CLEC16A: variants seen among roughly 807,000 people sequenced by gnomAD.
CLEC16A encodes the protein protein CLEC16A.
CLEC16A carries 51 observed loss-of-function variants against 109.5 expected under a neutral mutation model. That is an observed-to-expected ratio of 0.47 (90% confidence interval 0.37 to 0.59). The LOEUF is 0.59. Among genes scored for constraint, CLEC16A ranks in the 20% least tolerant of loss-of-function variants. The probability of loss-of-function intolerance (pLI) is 0.00; values close to 1 mark genes in which losing one functional copy is unlikely to be tolerated. For missense variants in CLEC16A, 1,339 were observed against 1,394.0 expected, an observed-to-expected ratio of 0.96 and a Z score of 0.63; for synonymous variants, 673 against 564.2, an observed-to-expected ratio of 1.19 and a Z score of -2.73.
intron 19 of CLEC16A, among the ~76,000 whole-genome samples, chr16:11,087,342 A>G (rs2050067858): frequency 6.6e-6 from 1 of 152,146 alleles, no homozygotes; most frequent in African/African-American, 2.4e-5. Context: ...TCTCACGTCC[A>G]GGAGGAAGCC....
chr16:11,166,969 C>T (rs1479083584), intron 23 of CLEC16A, among the ~76,000 whole-genome samples: 1 of 152,108 alleles, frequency 6.6e-6, no homozygotes, highest in Non-Finnish European at 1.5e-5. Context: ...CAGTTTTGTC[C>T]TTAAATGTGG....
chr16:11,123,006 C>T (rs922638008), intron 20 of CLEC16A, among the ~76,000 whole-genome samples: 4 of 144,748 alleles, frequency 2.8e-5, no homozygotes, highest in African/African-American at 7.8e-5. Flanking sequence ...CGGGTTCAAG[C>T]GATTCTCCTG....
Position 11,085,177 on chromosome 16 carries a change from G to A in CLEC16A, c.2116+24155G>A, listed in dbSNP as rs536424181. Among the ~76,000 whole-genome samples the A allele has an allele frequency of 1.4e-3, 219 of 152,352 alleles. 1 individual carries two copies. Among genetic ancestry groups the A allele is most frequent in the African/African-American group, 4.9e-3 (205 of 41,582 alleles). Reference sequence around the variant, plus strand: ...CCAAGCACTGGACTCATTTACAGACGAGGCCATGAAGCCCCCACCCTGGGT... The same window carrying A: ...CCAAGCACTGGACTCATTTACAGACAAGGCCATGAAGCCCCCACCCTGGGT... On this transcript the variant is annotated intron_variant, in intron 19 of 23. Coordinates refer to ENST00000409790, the MANE Select transcript of CLEC16A (RefSeq NM_015226.3).
At chr16:11,150,756 G>A (rs1372473918) in intron 22 of CLEC16A, among the ~76,000 whole-genome samples, 1 of 152,208 alleles carries the variant, frequency 6.6e-6, no homozygotes, top group African/African-American at 2.4e-5. Flanking sequence ...CAGGTCTGGA[G>A]GGTAGAAGTG....
chr16:10,979,308 T>C (rs1471411580), intron 8 of CLEC16A, 21 bp from the exon 9 acceptor site: 3 of 1,608,256 alleles, frequency 1.9e-6, no homozygotes, highest in African/African-American at 1.3e-5. Context: ...TCTCTCTCTC[T>C]CTCCTGCCAC....
intron 10 of CLEC16A, among the ~76,000 whole-genome samples, chr16:10,994,306 G>T (rs923062855): frequency 5.9e-5 from 9 of 152,156 alleles, no homozygotes; most frequent in African/African-American, 1.9e-4. Flanking sequence ...TGCATGTTGG[G>T]CTTTGGTTCC....
chr16:10,977,967 C>G (rs1390878645), intron 8 of CLEC16A, among the ~76,000 whole-genome samples: 1 of 152,194 alleles, frequency 6.6e-6, no homozygotes, highest in Non-Finnish European at 1.5e-5. Context: ...GAAACATCTA[C>G]AAATGTAGGG....
At chr16:11,098,062 A>G (rs2050706663) in intron 19 of CLEC16A, among the ~76,000 whole-genome samples, 1 of 152,194 alleles carries the variant, frequency 6.6e-6, no homozygotes, top group African/African-American at 2.4e-5. Flanking sequence ...CCCCACACCA[A>G]TTAAATCAGA....
intron 19 of CLEC16A, among the ~76,000 whole-genome samples, chr16:11,083,754 C>T (rs2049861525): frequency 6.6e-6 from 1 of 152,366 alleles, no homozygotes; most frequent in Non-Finnish European, 1.5e-5. Flanking sequence ...CTGGGGCAAG[C>T]CCTCCACTTC....
chr16:11,062,011 C>T (rs765961134), intron 19 of CLEC16A, among the ~76,000 whole-genome samples: 2 of 152,190 alleles, frequency 1.3e-5, no homozygotes, highest in Non-Finnish European at 2.9e-5. Context: ...CCCTTTAATT[C>T]TCTAAAGTCT....
At chr16:11,164,041 G>T (rs1315645864) in intron 22 of CLEC16A, among the ~76,000 whole-genome samples, 1 of 152,156 alleles carries the variant, frequency 6.6e-6, no homozygotes, top group Non-Finnish European at 1.5e-5. Context: ...CCAGTGTTTG[G>T]ATTTGCCGGA....
At chr16:11,168,603 T>C (rs1366474408) in intron 23 of CLEC16A, among the ~76,000 whole-genome samples, 1 of 152,230 alleles carries the variant, frequency 6.6e-6, no homozygotes, top group Non-Finnish European at 1.5e-5. Context: ...GATGCAGCTA[T>C]TGATCCCTGG....
In CLEC16A at chr16:11,003,204, A is replaced by G; in HGVS notation, c.1202A>G (p.Asp401Gly). 6.2e-7 allele frequency: 1 copy of G among 1,613,512 alleles called. No individual in the cohort carries two copies. The highest frequency in any genetic ancestry group is 8.5e-7 in the Non-Finnish European group (1 of 1,179,832). ...TACAAAAACGTTGGGGAAGAAGAAG[A>G]TGAGGAGAAAGGGCCCACCGAGGAT... ...PNYKNVGEEE[D>G]EEKGPTEDAQ... is the part of the protein sequence containing the mutation. Residue 401 changes from aspartate (D) to glycine (G), a missense_variant, in exon 11 of 24, where the codon GAT becomes GGT. By Grantham distance (94) the Asp-to-Gly change is moderately conservative (BLOSUM62 -1). Around this residue, in one of 3 missense-constraint regions of CLEC16A, gnomAD observed 1,061 missense variants for 1,006.8 expected, o/e 1.05. Coordinates refer to ENST00000409790, the MANE Select transcript of CLEC16A (RefSeq NM_015226.3).
intron 13 of CLEC16A, among the ~76,000 whole-genome samples, chr16:11,033,473 G>T (rs538926753): frequency 3.9e-5 from 6 of 152,266 alleles, no homozygotes; most frequent in Admixed American, 2.6e-4. Context: ...GCTGCCTCGT[G>T]GGGGAGCTGC....
intron 19 of CLEC16A, among the ~76,000 whole-genome samples, chr16:11,084,388 A>G (rs9929994): frequency 0.42 from 64,088 of 151,952 alleles, 14,504 homozygotes; most frequent in African/African-American, 0.6. Context: ...CCCAATTCTT[A>G]TTCAAAGTTG....
intron 11 of CLEC16A, among the ~76,000 whole-genome samples, chr16:11,006,671 A>G (rs191584903): frequency 6.6e-6 from 1 of 152,338 alleles, no homozygotes; most frequent in African/African-American, 2.4e-5. Flanking sequence ...CAGTTTTGCC[A>G]TGACCCAATT....
chr16:11,081,790 G>A (rs575133122), intron 19 of CLEC16A, among the ~76,000 whole-genome samples: 12 of 152,300 alleles, frequency 7.9e-5, no homozygotes, highest in East Asian at 1.9e-4. Context: ...TAAATGGTCC[G>A]CTGCAGAACG....
intron 14 of CLEC16A, chr16:11,041,245 A>T (rs2047318733): frequency 6.6e-6 from 1 of 152,224 alleles, no homozygotes; most frequent in Non-Finnish European, 1.5e-5. Context: ...AGATTCCTTC[A>T]GGACCTATAT....
intron 10 of CLEC16A, among the ~76,000 whole-genome samples, chr16:10,984,676 CA>C (rs1261178579): frequency 6.6e-6 from 1 of 152,226 alleles, no homozygotes; most frequent in Non-Finnish European, 1.5e-5. Flanking sequence ...GGCAAATGTA[CA>C]GCTGACTCAG....
Sources: allele counts gnomAD v4.1 joint callset (sites outside exome capture counted in the v4.1 genomes callset), GRCh38; gene constraint gnomAD v4.1.1; regional missense constraint gnomAD v4.1.1; transcripts MANE v1.5; gene names NCBI Gene and HGNC (gene_info 2026-07-23, HGNC 2026-07-21).